The following PRKN variants were observed in gnomAD, a reference collection of about 807,000 sequenced individuals.
PRKN encodes the protein parkin RBR E3 ubiquitin protein ligase.
PRKN carries 56 observed loss-of-function variants against 59.5 expected under a neutral mutation model. That is an observed-to-expected ratio of 0.94 (90% CI 0.76 to 1.18). The LOEUF is 1.18. Ranked by LOEUF, PRKN falls within the 50% of genes most tolerant of loss-of-function variation. The pLI, the probability that PRKN is intolerant of heterozygous loss-of-function variation, is 0.00. For synonymous variants in PRKN, 250 were observed against 222.1 expected, an observed-to-expected ratio of 1.13 and a Z score of -1.12; for missense variants, 657 against 596.4, an observed-to-expected ratio of 1.10 and a Z score of -1.06.
chr6:161,582,084 T>C lies in PRKN; in HGVS notation c.872-12668A>G, dbSNP rs1055771890. On this transcript the variant is annotated intron_variant, in intron 7 of 11. Coordinates refer to ENST00000366898, the MANE Select transcript of PRKN (RefSeq NM_004562.3). The surrounding 1 kb of genome is among the most constrained non-coding windows in gnomAD (Gnocchi z 4.4). ...GCTCCACGCATGACTGAATGGTGAA[T>C]TTGGAATCATTGCTTTCATCTACTG... 6.6e-6 allele frequency among the ~76,000 whole-genome samples: 1 copy of C among 152,202 alleles called. No homozygotes were observed. The highest frequency in any genetic ancestry group is 1.5e-5 in the Non-Finnish European group (1 of 68,038).
At chr6:162,179,795 G>T (rs1020757099) in intron 4 of PRKN, among the ~76,000 whole-genome samples, 62 of 152,218 alleles carry the variant, frequency 4.1e-4, no homozygotes, top group Admixed American at 3.1e-3. Context: ...AAGGGGAAAG[G>T]CTTCCTCCTC....
intron 1 of PRKN, among the ~76,000 whole-genome samples, chr6:162,547,001 C>G (rs1406820711): frequency 6.6e-6 from 1 of 152,024 alleles, no homozygotes; most frequent in African/African-American, 2.4e-5. Flanking sequence ...TTGTTTCCAC[C>G]AAGGGGCTTG....
chr6:161,365,345 CAG>C (rs995014778), intron 10 of PRKN, among the ~76,000 whole-genome samples: 46 of 152,318 alleles, frequency 3.0e-4, no homozygotes, highest in Middle Eastern at 3.4e-3. Flanking sequence ...GAGGAGCACT[CAG>C]GGGCTGAAGT....
chr6:162,219,113 C>T (rs959706969), intron 3 of PRKN, among the ~76,000 whole-genome samples: 1 of 152,150 alleles, frequency 6.6e-6, no homozygotes, highest in African/African-American at 2.4e-5. Flanking sequence ...ATCACTTGAA[C>T]CCAGTAGGTC....
chr6:162,188,976 T>C (rs1045947068), intron 4 of PRKN, among the ~76,000 whole-genome samples: 13 of 152,056 alleles, frequency 8.5e-5, no homozygotes, highest in Admixed American at 5.2e-4. Flanking sequence ...TAGGAGGGAA[T>C]TGAGATTAGA....
rs1254420221 is a variant in PRKN at position 162,386,032 on chromosome 6, A to AT, written c.171+57277dup. On this transcript the variant is annotated intron_variant, in intron 2 of 11. Transcript: ENST00000366898. ...TGACTAACCCGCCAATTGTATTTTGATTTTTTTTAAAAAAAGAGGTGCCTA... is the reference window on the plus strand; with the variant it reads ...TGACTAACCCGCCAATTGTATTTTGATTTTTTTTTAAAAAAAGAGGTGCCTA... Among the ~76,000 whole-genome samples the AT allele has an allele frequency of 1.4e-4, 22 of 152,152 alleles. No individual in the cohort carries two copies. In the East Asian group the frequency reaches 3.3e-3, roughly 23 times the overall value.
chr6:162,679,546 T>C (rs773807285), intron 1 of PRKN, among the ~76,000 whole-genome samples: 11 of 152,226 alleles, frequency 7.2e-5, no homozygotes, highest in Non-Finnish European at 1.6e-4. Context: ...GGAAGTCTTA[T>C]AGTTTTAACA....
At chr6:162,460,159 A>C (rs552575741) in intron 1 of PRKN, among the ~76,000 whole-genome samples, 1 of 152,342 alleles carries the variant, frequency 6.6e-6, no homozygotes, top group African/African-American at 2.4e-5. Context: ...TGTTTGTTGT[A>C]TCCATACATT....
At chr6:162,457,159 A>C (rs2128172862) in intron 1 of PRKN, among the ~76,000 whole-genome samples, 1 of 152,290 alleles carries the variant, frequency 6.6e-6, no homozygotes, top group African/African-American at 2.4e-5. Flanking sequence ...GCAAGGAATA[A>C]TTTTACCATG....
intron 2 of PRKN, among the ~76,000 whole-genome samples, chr6:162,319,214 A>T (rs1422066107): frequency 1.3e-5 from 2 of 151,616 alleles, no homozygotes; most frequent in East Asian, 4.2e-4. Context: ...GCTGTACATT[A>T]GAATTGTCTA....
intron 4 of PRKN, among the ~76,000 whole-genome samples, chr6:162,129,582 T>C (rs376844861): frequency 1.3e-5 from 2 of 152,170 alleles, no homozygotes; most frequent in South Asian, 4.1e-4. Flanking sequence ...CGTTCCTCAA[T>C]GTACCAAACA....
chr6:162,498,758 A>G (rs1026096790), intron 1 of PRKN, among the ~76,000 whole-genome samples: 2 of 152,008 alleles, frequency 1.3e-5, no homozygotes, highest in Non-Finnish European at 2.9e-5. Context: ...ATTACAGTAA[A>G]TAACATGTAA....
At chr6:162,118,732 T>A (rs1780781086) in intron 4 of PRKN, among the ~76,000 whole-genome samples, 2 of 152,190 alleles carry the variant, frequency 1.3e-5, no homozygotes. Context: ...AACCAGTGCA[T>A]TACAAAAAAG....
At chr6:162,316,643 T>C (rs1296435327) in intron 2 of PRKN, among the ~76,000 whole-genome samples, 1 of 152,088 alleles carries the variant, frequency 6.6e-6, no homozygotes, top group Non-Finnish European at 1.5e-5. Flanking sequence ...ATTGGGGCCT[T>C]TTCCTTTTGT....
chr6:162,201,970 ACT>A (rs906741178), intron 3 of PRKN, among the ~76,000 whole-genome samples: 3 of 152,188 alleles, frequency 2.0e-5, no homozygotes, highest in African/African-American at 7.2e-5. Context: ...ATATAGGGAC[ACT>A]CTGTAAACTA....
chr6:162,198,200 G>C (rs1483122324), intron 4 of PRKN, among the ~76,000 whole-genome samples: 1 of 152,118 alleles, frequency 6.6e-6, no homozygotes, highest in African/African-American at 2.4e-5. Context: ...GAGCATCTCT[G>C]GGAACTGAGA....
intron 4 of PRKN, among the ~76,000 whole-genome samples, chr6:162,137,605 C>T (rs546397386): frequency 2.0e-5 from 3 of 152,106 alleles, no homozygotes; most frequent in Non-Finnish European, 2.9e-5. Context: ...ACTGGGAGGT[C>T]CAGTATCAAG....
chr6:162,031,598 C>A (rs1466349105), intron 5 of PRKN, among the ~76,000 whole-genome samples: 2 of 148,846 alleles, frequency 1.3e-5, no homozygotes, highest in South Asian at 2.1e-4. Flanking sequence ...TACAATCATG[C>A]AATCTCAGCT....
Position 162,693,981 on chromosome 6 carries a change from C to G in PRKN, c.7+33681G>C, listed in dbSNP as rs1171109363. Among the ~76,000 whole-genome samples the G allele has an allele frequency of 2.0e-5, 3 of 152,224 alleles. 1 individual carries two copies. Among genetic ancestry groups the G allele is most frequent in the Admixed American group, 2.0e-4 (3 of 15,292 alleles). ...ATGTTGAAGAGGTCAGGCACGGTGG[C>G]TCATGCCTGTAATCCCAACACTTTG... On this transcript the variant is annotated intron_variant, in intron 1 of 11. Coordinates refer to ENST00000366898, the MANE Select transcript of PRKN (RefSeq NM_004562.3).
Sources: gnomAD v4.1 joint callset for allele counts (sites outside exome capture counted in the v4.1 genomes callset) on GRCh38, gnomAD v4.1.1 for gene constraint, Gnocchi (gnomAD v3.1) non-coding constraint, MANE v1.5 for transcripts, NCBI Gene and HGNC (gene_info 2026-07-23, HGNC 2026-07-21) for gene names.